The following NASP variants were observed in gnomAD, a reference collection of about 807,000 sequenced individuals.
NASP encodes nuclear autoantigenic sperm protein.
Under a neutral mutation model 89.5 loss-of-function variants are expected in NASP, and 24 were observed. The ratio of observed to expected loss-of-function variants is 0.27; its 90% CI spans 0.19 to 0.38. The LOEUF (loss-of-function observed/expected upper bound fraction) is 0.38, where lower values mean the gene tolerates loss of function less well. NASP is among the 10% of genes least tolerant of loss of function. The probability of loss-of-function intolerance (pLI) is 1.00; values close to 1 mark genes in which losing one functional copy is unlikely to be tolerated. For missense variants in NASP, 848 were observed against 921.4 expected, an observed-to-expected ratio of 0.92 and a Z score of 1.03; for synonymous variants, 306 against 324.7, an observed-to-expected ratio of 0.94 and a Z score of 0.62.
intron 3 of NASP, 33 bp downstream of exon 3, chr1:45,602,398 T>C (rs756772500): frequency 3.8e-6 from 6 of 1,586,524 alleles, no homozygotes; most frequent in African/African-American, 2.7e-5. Flanking sequence ...TGATGTAATA[T>C]TATGTTCTAA....
rs777990611 is a variant in NASP, at chr1:45,608,005, A to G, written c.1094A>G (p.Glu365Gly). The G allele has an allele frequency of 5.6e-6, 9 of 1,613,970 alleles. No individual in the cohort carries two copies. Among genetic ancestry groups the G allele is most frequent in the Non-Finnish European group, 7.6e-6 (9 of 1,179,956 alleles). Residue 365 changes from glutamate (E) to glycine (G), a missense_variant, in exon 6 of 15, where the codon GAA (glutamate) becomes GGA (glycine). By Grantham distance (98) the Glu-to-Gly change is moderately conservative. Coordinates refer to ENST00000350030, the MANE Select transcript of NASP (RefSeq NM_002482.4). Reference sequence around the variant, plus strand: ...GTAGAGGCTGGATCAGAAGTCTCTGAAAAGCCTGGGCAGGAGGCTCCAGTT... The same window carrying G: ...GTAGAGGCTGGATCAGAAGTCTCTGGAAAGCCTGGGCAGGAGGCTCCAGTT... ...SAVEAGSEVS[E>G]KPGQEAPVLP...
intron 2 of NASP, among the ~76,000 whole-genome samples, chr1:45,599,574 C>T (rs1643785724): frequency 6.6e-6 from 1 of 152,060 alleles, no homozygotes; most frequent in Non-Finnish European, 1.5e-5. Context: ...ACTACAGGCA[C>T]ACACCACCAC....
intron 10 of NASP, 51 bp downstream of exon 10, chr1:45,615,252 A>G: frequency 1.2e-6 from 2 of 1,611,720 alleles, no homozygotes; most frequent in East Asian, 2.2e-5. Context: ...GCAATTAACA[A>G]GGAAGAAAAC....
At chr1:45,592,920 T>TG (rs1643587775) in intron 2 of NASP, 1 of 152,408 alleles carries the variant, frequency 6.6e-6, no homozygotes, top group Non-Finnish European at 1.5e-5. Flanking sequence ...TGAGAATACT[T>TG]GCTGGTGGTG....
At chr1:45,603,326 A>G (rs1570977608) in intron 3 of NASP, among the ~76,000 whole-genome samples, 1 of 152,258 alleles carries the variant, frequency 6.6e-6, no homozygotes, top group East Asian at 1.9e-4. Context: ...ATCATTGCAT[A>G]CATTACATAC....
rs77995277 is a variant in NASP, at chr1:45,587,177, C to G, written c.59+2972C>G. Among the ~76,000 whole-genome samples, 454 of 151,900 alleles carry G rather than the reference C, an allele frequency of 3.0e-3. 4 individuals are homozygous for G. Among genetic ancestry groups the G allele is most frequent in the East Asian group, 0.022 (115 of 5,164 alleles). ...GTCATTCTTAGCTTTCTAACTAGTTCTTAGTTGGTTTTTTTTTGTTGTTTT... is the reference window on the plus strand; with the variant it reads ...GTCATTCTTAGCTTTCTAACTAGTTGTTAGTTGGTTTTTTTTTGTTGTTTT... On this transcript the variant is annotated intron_variant, in intron 1 of 14. Transcript: ENST00000350030.
chr1:45,601,543 A>ATAC (rs1425113979), intron 2 of NASP, among the ~76,000 whole-genome samples: 1 of 152,084 alleles, frequency 6.6e-6, no homozygotes, highest in Non-Finnish European at 1.5e-5. Context: ...CTTTATGCCA[A>ATAC]TACTACATTG....
intron 2 of NASP, among the ~76,000 whole-genome samples, chr1:45,595,743 C>CTT (rs1643680394): frequency 6.6e-6 from 1 of 152,218 alleles, no homozygotes; most frequent in Non-Finnish European, 1.5e-5. Context: ...ATCACCTTCA[C>CTT]TTAGAAAATG....
intron 13 of NASP, 36 bp from the exon 14 acceptor site, chr1:45,617,427 A>G: frequency 6.3e-7 from 1 of 1,595,178 alleles, no homozygotes; most frequent in Non-Finnish European, 8.5e-7. Context: ...AAAAACATTA[A>G]GCACATTTGT....
chr1:45,602,165 A>G, intron 2 of NASP, 90 bp from the exon 3 acceptor site: 1 of 1,480,248 alleles, frequency 6.8e-7, no homozygotes, highest in Admixed American at 2.4e-5. Context: ...AAAAGTTTTA[A>G]AAAATGAAAC....
intron 13 of NASP, chr1:45,617,211 C>A: frequency 2.4e-6 from 1 of 414,728 alleles, no homozygotes; most frequent in Non-Finnish European, 4.3e-6. Flanking sequence ...CAGTGATTAC[C>A]ATTCACATCT....
At chr1:45,614,509 C>G (rs1420104085) in intron 9 of NASP, 143 bp downstream of exon 9, 7 of 684,050 alleles carry the variant, frequency 1.0e-5, no homozygotes, top group Admixed American at 2.7e-5. Context: ...CAGTCTCTTC[C>G]AAGTGGCACT....
intron 5 of NASP, among the ~76,000 whole-genome samples, chr1:45,606,969 T>A (rs1476125179): frequency 1.3e-5 from 2 of 152,208 alleles, no homozygotes; most frequent in Non-Finnish European, 2.9e-5. Flanking sequence ...CCCTTGTACA[T>A]TTTTTATGTG....
chr1:45,618,179 T>C lies in NASP; in HGVS notation c.*38T>C. ...CCCTCCTCCCAAGGGAAAGTGTTTT[T>C]GTATATAATGTATTTTTTCACTTTT... On this transcript the variant is annotated 3_prime_UTR_variant, in exon 15 of 15. Coordinates refer to ENST00000350030, the MANE Select transcript of NASP (RefSeq NM_002482.4). The C allele has an allele frequency of 6.8e-7, 1 of 1,473,802 alleles. No homozygotes were observed. Among genetic ancestry groups the C allele is most frequent in the South Asian group, 1.2e-5 (1 of 81,488 alleles). The allele number at this position is 1,473,802 out of a possible 1,614,324, so 91.3% of individuals were successfully genotyped here. A position where few individuals can be genotyped will look rare whatever the true frequency, so the allele number is the denominator to read the frequency against.
chr1:45,615,133 A>C lies in NASP; in HGVS notation c.1787A>C (p.Tyr596Ser), dbSNP rs1173272276. 6.2e-7 allele frequency: 1 copy of C among 1,614,208 alleles called. No homozygotes were observed. Among genetic ancestry groups the C allele is most frequent in the East Asian group, 2.2e-5 (1 of 44,882 alleles). Residue 596 changes from tyrosine to serine, a missense_variant, in exon 10 of 15, where the codon TAC becomes TCC. Tyr to Ser is a moderately radical substitution (Grantham distance 144). Coordinates refer to ENST00000350030, the MANE Select transcript of NASP (RefSeq NM_002482.4). ...THYQLGLAYG[Y>S]NSQYDEAVAQ... ...TACCAGCTGGGCTTGGCTTATGGGT[A>C]CAACTCTCAGTATGATGAGGCAGTG...
chr1:45,596,689 C>T (rs949114425), intron 2 of NASP, among the ~76,000 whole-genome samples: 5 of 152,220 alleles, frequency 3.3e-5, no homozygotes, highest in African/African-American at 1.2e-4. Context: ...TACAACTAAC[C>T]TTTAAGAAAT....
In NASP at chr1:45,615,075, G is replaced by A; in HGVS notation, c.1729G>A (p.Glu577Lys). Residue 577 changes from glutamate (E) to lysine (K), a missense_variant, in exon 10 of 15, where the codon GAA becomes AAA. Physicochemically the swap from Glu to Lys is moderately conservative, Grantham distance 56. This residue lies in a region of NASP where 60 missense variants were observed against 114.6 expected (regional missense o/e 0.52). Transcript: ENST00000350030. ...CCTTAACCTGCAGGAACAGTACCTG[G>A]AAGCCCACGACCGTCTCCTTGCAGA... Reference protein sequence around the residue: ...SCLNLQEQYLEAHDRLLAETH... With the variant: ...SCLNLQEQYLKAHDRLLAETH... 6.2e-7 allele frequency: 1 copy of A among 1,614,130 alleles called. No individual in the cohort carries two copies. The highest frequency in any genetic ancestry group is 8.5e-7 in the Non-Finnish European group (1 of 1,180,028).
chr1:45,603,049 A>AT (rs1172317455), intron 3 of NASP, among the ~76,000 whole-genome samples: 1 of 152,098 alleles, frequency 6.6e-6, no homozygotes, highest in Non-Finnish European at 1.5e-5. Context: ...TTTTTAGCAC[A>AT]TTTTTCATAC....
chr1:45,614,262 T>C, intron 8 of NASP, 31 bp from the exon 9 acceptor site: 1 of 1,606,508 alleles, frequency 6.2e-7, no homozygotes, highest in Non-Finnish European at 8.5e-7. Flanking sequence ...CAGGTACTGT[T>C]AAGGTTTTTG....
Sources: gnomAD v4.1 joint callset for allele counts (sites outside exome capture counted in the v4.1 genomes callset) on GRCh38, gnomAD v4.1.1 for gene constraint, gnomAD v4.1.1 regional missense constraint, MANE v1.5 for transcripts, NCBI Gene and HGNC (gene_info 2026-07-23, HGNC 2026-07-21) for gene names.